Variants in RAB5C observed in about 807,000 individuals in gnomAD.
RAB5C encodes the protein ras-related protein Rab-5C.
Under a neutral mutation model 25.2 loss-of-function variants are expected in RAB5C, and 4 were observed. That is an observed-to-expected ratio of 0.16 (90% CI 0.08 to 0.36). The LOEUF is 0.36. Ranked by LOEUF, RAB5C falls within the 10% of genes least tolerant of loss-of-function variation. The probability of loss-of-function intolerance (pLI) is 1.00; values close to 1 mark genes in which losing one functional copy is unlikely to be tolerated. For synonymous variants in RAB5C, 100 were observed against 106.4 expected (o/e 0.94, Z 0.37); for missense variants, 199 against 283.8 (o/e 0.70, Z 2.15).
At chr17:42,128,903 A>G in intron 2 of RAB5C, 103 bp from the exon 3 acceptor site, 1 of 1,071,982 alleles carries the variant, frequency 9.3e-7, no homozygotes, top group Non-Finnish European at 1.2e-6. Flanking sequence ...CCCACCACTG[A>G]GATGGGCACA....
chr17:42,140,507 ATATATATATTTTTTTT>A (rs1418653905), intron 1 of RAB5C, among the ~76,000 whole-genome samples: 3 of 40,814 alleles, frequency 7.4e-5, no homozygotes, highest in African/African-American at 5.8e-4. Context: ...ATATATATAT[ATATATATATTTTTTTT>A]TTTTTTTTTT....
chr17:42,149,960 C>T (rs891399571), intron 1 of RAB5C, among the ~76,000 whole-genome samples: 10 of 148,178 alleles, frequency 6.7e-5, no homozygotes, highest in East Asian at 2.1e-4. Flanking sequence ...CTCACTGCAA[C>T]GTCCACCTCC....
intron 1 of RAB5C, chr17:42,131,569 T>C: frequency 1.3e-6 from 2 of 1,513,036 alleles, no homozygotes; most frequent in Non-Finnish European, 1.8e-6. Context: ...TCTGCCACAG[T>C]CAGCACAGCT....
chr17:42,145,292 C>T (rs2079629150), intron 1 of RAB5C, among the ~76,000 whole-genome samples: 2 of 152,144 alleles, frequency 1.3e-5, no homozygotes, highest in Admixed American at 1.3e-4. Context: ...GACTTTCTTC[C>T]AAAGGGTGCA....
intron 1 of RAB5C, among the ~76,000 whole-genome samples, chr17:42,152,200 G>A (rs1031369374): frequency 5.9e-5 from 9 of 151,960 alleles, no homozygotes; most frequent in African/African-American, 2.2e-4. Flanking sequence ...GCACCTATGA[G>A]GAATATGTAT....
chr17:42,139,524 G>A (rs1427654054), intron 1 of RAB5C, among the ~76,000 whole-genome samples: 2 of 152,248 alleles, frequency 1.3e-5, no homozygotes, highest in South Asian at 2.1e-4. Context: ...GTGCAGTGGC[G>A]TGATCTCGGC....
chr17:42,131,331 TA>T (rs1000265129), intron 1 of RAB5C, among the ~76,000 whole-genome samples: 6 of 151,644 alleles, frequency 4.0e-5, no homozygotes, highest in Non-Finnish European at 7.4e-5. Flanking sequence ...TCGCACCCAT[TA>T]AAAAACAAAA....
intron 1 of RAB5C, among the ~76,000 whole-genome samples, chr17:42,148,403 CAAAA>C (rs71228786): frequency 3.5e-5 from 2 of 57,390 alleles, no homozygotes; most frequent in Non-Finnish European, 6.9e-5. Context: ...GACTCCATCT[CAAAA>C]AAAAAAAAAA....
chr17:42,127,343 A>G (rs991354445), intron 4 of RAB5C, among the ~76,000 whole-genome samples: 1 of 152,204 alleles, frequency 6.6e-6, no homozygotes, highest in Non-Finnish European at 1.5e-5. Context: ...GGAAATTAGA[A>G]GAAGAGAAGT....
rs746412388 is a variant in RAB5C, at chr17:42,130,413, A to C, written c.90T>G (p.Ser30=). The change falls in exon 2 of 6, where the codon TCT becomes TCG. Residue 30 remains serine (S), a synonymous_variant. Coordinates refer to ENST00000346213, the MANE Select transcript of RAB5C (RefSeq NM_004583.4). ...GGACGAGGCTGGATTTGCCTACCGC[A>C]GACTCCCCCAGCAGAACCAGCTTAA... The part of the protein sequence containing the change: ...CQFKLVLLGE[S]AVGKSSLVLR... 6.2e-7 allele frequency: 1 copy of C among 1,614,060 alleles called. No individual in the cohort carries two copies. Among genetic ancestry groups the C allele is most frequent in the Non-Finnish European group, 8.5e-7 (1 of 1,180,034 alleles).
At chr17:42,151,297 C>G (rs529011982) in intron 1 of RAB5C, among the ~76,000 whole-genome samples, 1 of 152,044 alleles carries the variant, frequency 6.6e-6, no homozygotes, top group Non-Finnish European at 1.5e-5. Context: ...ATTAGCCGGA[C>G]GTGGTGGTGG....
chr17:42,128,150 G>C (rs1163282666), intron 4 of RAB5C, 111 bp downstream of exon 4: 2 of 1,447,388 alleles, frequency 1.4e-6, no homozygotes, highest in Non-Finnish European at 1.8e-6. Context: ...GCAGATGGAA[G>C]CTTCCCTGTT....
rs1158839836 is a variant in RAB5C at position 42,144,704 on chromosome 17, G to A, written c.-89+10189C>T. 5.9e-5 allele frequency among the ~76,000 whole-genome samples: 9 copies of A among 151,704 alleles called. No individual in the cohort carries two copies. In the South Asian group the frequency reaches 1.7e-3, roughly 28 times the overall value. The stretch of plus-strand genomic sequence containing the variant: ...AGCACTTTGGGAGGCTGAGGCGGGC[G>A]GATCACGAGGTCAGGAGATCGAGAC... On this transcript the variant is annotated intron_variant, in intron 1 of 5. Coordinates refer to ENST00000346213, the MANE Select transcript of RAB5C (RefSeq NM_004583.4).
At chr17:42,139,350 C>T (rs578242636) in intron 1 of RAB5C, among the ~76,000 whole-genome samples, 19 of 152,366 alleles carry the variant, frequency 1.2e-4, no homozygotes, top group African/African-American at 4.6e-4. Context: ...TCTCCGCCAG[C>T]CTACCGATTC....
chr17:42,131,508 AAAAC>A (rs771278917), intron 1 of RAB5C: 7 of 1,261,768 alleles, frequency 5.5e-6, no homozygotes, highest in Non-Finnish European at 6.6e-6. Flanking sequence ...ACACCAAAAC[AAAAC>A]ACACACCGAA....
intron 1 of RAB5C, among the ~76,000 whole-genome samples, chr17:42,132,300 C>T (rs1402885495): frequency 1.3e-5 from 2 of 152,176 alleles, no homozygotes; most frequent in African/African-American, 4.8e-5. Flanking sequence ...TGAAATGGGG[C>T]CCACCTCTTC....
chr17:42,152,156 C>G (rs1432738544), intron 1 of RAB5C, among the ~76,000 whole-genome samples: 1 of 151,362 alleles, frequency 6.6e-6, no homozygotes, highest in Non-Finnish European at 1.5e-5. Flanking sequence ...AAATTAAAAA[C>G]AAAGTGGGGA....
chr17:42,131,185 C>A (rs2054482117), intron 1 of RAB5C, among the ~76,000 whole-genome samples: 1 of 152,188 alleles, frequency 6.6e-6, no homozygotes, highest in South Asian at 2.1e-4. Context: ...TTTTCTCCTG[C>A]CACCTTCAGA....
Position 42,151,880 on chromosome 17 carries a change from T to C in RAB5C, c.-89+3013A>G, listed in dbSNP as rs372642395. 1.7e-3 allele frequency among the ~76,000 whole-genome samples: 257 copies of C among 152,158 alleles called. 2 individuals carry two copies. The highest frequency in any genetic ancestry group is 5.9e-3 in the African/African-American group (246 of 41,524). On this transcript the variant is annotated intron_variant, in intron 1 of 5. Transcript: ENST00000346213. Reference sequence around the variant, plus strand: ...GGAAGACAAAAAAACAGAGGAGCGCTAGTGATGAGGAGGGCTAAAGAGTTA... The same window carrying C: ...GGAAGACAAAAAAACAGAGGAGCGCCAGTGATGAGGAGGGCTAAAGAGTTA...
Sources: allele counts gnomAD v4.1 joint callset (sites outside exome capture counted in the v4.1 genomes callset), GRCh38; gene constraint gnomAD v4.1.1; transcripts MANE v1.5; gene names NCBI Gene and HGNC (gene_info 2026-07-23, HGNC 2026-07-21).